Variants in FGD6 observed in about 807,000 individuals in gnomAD.
FGD6 encodes the protein FYVE, RhoGEF and PH domain-containing protein 6.
In FGD6, 90 loss-of-function variants were observed where a neutral mutation model predicts 149.4. The observed-to-expected ratio is 0.60, with a 90% CI of 0.51 to 0.72. FGD6 has a LOEUF of 0.72. Ranked by LOEUF, FGD6 falls within the 30% of genes least tolerant of loss-of-function variation. The pLI, the probability that FGD6 is intolerant of heterozygous loss-of-function variation, is 0.00. For missense variants in FGD6, 1,437 were observed against 1,684.8 expected, an observed-to-expected ratio of 0.85 and a Z score of 2.57; for synonymous variants, 527 against 584.0, an observed-to-expected ratio of 0.90 and a Z score of 1.41.
At position 95,108,526 on chromosome 12, in the gene FGD6, C is replaced by T. The variant is rs748031655; in HGVS notation, c.3169G>A (p.Ala1057Thr). The change falls in exon 10 of 21, where the codon GCC (alanine) becomes ACC (threonine). Residue 1057 changes from alanine (A) to threonine (T), a missense_variant. By Grantham distance (58) the Ala-to-Thr change is moderately conservative. This residue lies in a region of FGD6 where 382 missense variants were observed against 538.7 expected (regional missense o/e 0.71). Transcript: ENST00000343958. ...ACTCCTTGCTTCATGGTGTCATTGGCGTGGTTGGCTACCTCTATAACAACA... is the reference window on the plus strand; with the variant it reads ...ACTCCTTGCTTCATGGTGTCATTGGTGTGGTTGGCTACCTCTATAACAACA... ...LAVVIEVANH[A>T]NDTMKQGDNF... 2.6e-5 allele frequency: 42 copies of T among 1,613,932 alleles called. No homozygotes were observed. Among genetic ancestry groups the T allele is most frequent in the Middle Eastern group, 1.6e-4 (1 of 6,082 alleles).
chr12:95,103,571 A>G (rs957224440), intron 14 of FGD6, among the ~76,000 whole-genome samples: 2 of 152,010 alleles, frequency 1.3e-5, no homozygotes, highest in African/African-American at 2.4e-5. Context: ...GTCTTGCTCT[A>G]TCACCCAGGC....
rs900631045 is a variant in FGD6, at chr12:95,152,845, T to TA, written c.2655-5dup. 1 of 1,613,436 alleles carries TA rather than the reference T, an allele frequency of 6.2e-7. No homozygotes were observed. Among genetic ancestry groups the TA allele is most frequent in the South Asian group, 1.1e-5 (1 of 91,026 alleles). ...AAGTTTTAACACATCCACAAACCTG[T>TA]AAAAAACAACAATGAAAAAAATGTT... On this transcript the variant is annotated splice_region_variant and splice_polypyrimidine_tract_variant and intron_variant, in intron 4 of 20. Transcript: ENST00000343958.
chr12:95,106,420 G>A (rs551580825), intron 13 of FGD6, among the ~76,000 whole-genome samples: 2,228 of 145,522 alleles, frequency 0.015, 18 homozygotes, highest in African/African-American at 0.022. Flanking sequence ...ACAGGTGTGC[G>A]CCACCACGCC....
At chr12:95,151,754 A>G (rs974292458) in intron 5 of FGD6, among the ~76,000 whole-genome samples, 3 of 152,208 alleles carry the variant, frequency 2.0e-5, no homozygotes, top group Non-Finnish European at 4.4e-5. Flanking sequence ...TTTCTCCACA[A>G]TTAAGCCTAA....
At chr12:95,148,560 T>TTATATAATACATAGC (rs1880092297) in intron 5 of FGD6, among the ~76,000 whole-genome samples, 1 of 87,744 alleles carries the variant, frequency 1.1e-5, no homozygotes, top group African/African-American at 4.1e-5. Context: ...TATTATATAT[T>TTATATAATACATAGC]ATATATTATA....
intron 18 of FGD6, among the ~76,000 whole-genome samples, chr12:95,086,333 A>G (rs1367883975): frequency 6.6e-6 from 1 of 152,060 alleles, no homozygotes; most frequent in Non-Finnish European, 1.5e-5. Flanking sequence ...TTCCTAAAAA[A>G]CTTTTTGGAC....
chr12:95,172,271 G>GA (rs1040350492), intron 3 of FGD6, among the ~76,000 whole-genome samples: 5 of 152,150 alleles, frequency 3.3e-5, no homozygotes, highest in East Asian at 1.9e-4. Flanking sequence ...AGGCACTTGG[G>GA]ATGCTGAGGC....
intron 1 of FGD6, 109 bp downstream of exon 1, chr12:95,217,116 G>A: frequency 6.5e-7 from 1 of 1,531,396 alleles, no homozygotes; most frequent in Non-Finnish European, 8.9e-7. Flanking sequence ...CTCGGCAAAG[G>A]TACGGGGCAC....
At chr12:95,105,749 C>T (rs1312556154) in intron 13 of FGD6, among the ~76,000 whole-genome samples, 4 of 152,124 alleles carry the variant, frequency 2.6e-5, no homozygotes, top group South Asian at 2.1e-4. Context: ...ACAGGCAGGG[C>T]GCAGTGGCTC....
intron 17 of FGD6, among the ~76,000 whole-genome samples, chr12:95,090,338 A>G (rs1219505936): frequency 6.6e-6 from 1 of 152,196 alleles, no homozygotes; most frequent in African/African-American, 2.4e-5. Flanking sequence ...ACTGTTGTTT[A>G]TATGTTTTAG....
chr12:95,108,374 G>A lies in FGD6; in HGVS notation c.3238C>T (p.His1080Tyr). 1 of 1,614,028 alleles carries A rather than the reference G, an allele frequency of 6.2e-7. No individual in the cohort carries two copies. Among genetic ancestry groups the A allele is most frequent in the Non-Finnish European group, 8.5e-7 (1 of 1,180,000 alleles). ...LMQIQYSLNG[H>Y]HEIVQPGRVF... is the part of the protein sequence containing the mutation. ...CGACCAGGCTGCACAATTTCATGGT[G>A]TCCATTTAAGCTGTACTGAATTTGC... Residue 1080 changes from histidine (H) to tyrosine (Y), a missense_variant, in exon 11 of 21, where the codon CAC (histidine) becomes TAC (tyrosine). Coordinates refer to ENST00000343958, the MANE Select transcript of FGD6 (RefSeq NM_018351.4).
At chr12:95,215,748 T>C (rs1351196211) in intron 1 of FGD6, among the ~76,000 whole-genome samples, 1 of 152,192 alleles carries the variant, frequency 6.6e-6, no homozygotes, top group Non-Finnish European at 1.5e-5. Context: ...GCCCTAGAAA[T>C]TGGGTTTACA....
chr12:95,153,912 C>CGTGTGTGTGTGT (rs754945627), intron 3 of FGD6, among the ~76,000 whole-genome samples: 61 of 141,406 alleles, frequency 4.3e-4, no homozygotes, highest in East Asian at 2.7e-3. Flanking sequence ...AAATGAAATT[C>CGTGTGTGTGTGT]GTGTGTGTGT....
At chr12:95,099,717 C>T (rs1878358685) in intron 14 of FGD6, among the ~76,000 whole-genome samples, 1 of 152,014 alleles carries the variant, frequency 6.6e-6, no homozygotes, top group African/African-American at 2.4e-5. Flanking sequence ...ACTGTAGTCT[C>T]CTGATGGTCT....
At chr12:95,149,776 T>C (rs1301999037) in intron 5 of FGD6, among the ~76,000 whole-genome samples, 1 of 145,204 alleles carries the variant, frequency 6.9e-6, no homozygotes, top group Non-Finnish European at 1.5e-5. Flanking sequence ...ATATATAGTA[T>C]ATATAGTATA....
chr12:95,102,979 G>A (rs936902966), intron 14 of FGD6, among the ~76,000 whole-genome samples: 1 of 152,154 alleles, frequency 6.6e-6, no homozygotes, highest in African/African-American at 2.4e-5. Flanking sequence ...CATGAGCACT[G>A]TGACTGATGC....
At position 95,077,489 on chromosome 12, in the gene FGD6, GAGTT is replaced by G. The variant is rs1179431488; in HGVS notation, c.*4027_*4030del. ...GTGTGAACAAAGAAAGGTTGGGTAAGAGTTAGCTGGAATGTATGGCAACTGAGGA... is the reference window on the plus strand; with the variant it reads ...GTGTGAACAAAGAAAGGTTGGGTAAGAGCTGGAATGTATGGCAACTGAGGA... On this transcript the variant is annotated 3_prime_UTR_variant, in exon 21 of 21. Transcript: ENST00000343958. The G allele has an allele frequency of 6.6e-5, 10 of 152,420 alleles. No homozygotes were observed. The highest frequency in any genetic ancestry group is 2.9e-5 in the Non-Finnish European group (2 of 68,096). 9.4% of individuals were successfully genotyped at this position (152,420 alleles called of 1,614,324 possible). A position where few individuals can be genotyped will look rare whatever the true frequency, so the allele number is the denominator to read the frequency against.
intron 8 of FGD6, among the ~76,000 whole-genome samples, chr12:95,116,520 C>T (rs1321333869): frequency 7.2e-5 from 11 of 152,102 alleles, no homozygotes; most frequent in Admixed American, 5.2e-4. Context: ...AAATCCTGAC[C>T]TCAGAATCAC....
chr12:95,137,783 T>G, intron 6 of FGD6, 105 bp from the exon 7 acceptor site: 1 of 773,670 alleles, frequency 1.3e-6, no homozygotes, highest in South Asian at 3.2e-5. Context: ...TCTTTTTTTC[T>G]CTTCTTGTAA....
Sources: allele counts gnomAD v4.1 joint callset (sites outside exome capture counted in the v4.1 genomes callset), GRCh38; gene constraint gnomAD v4.1.1; regional missense constraint gnomAD v4.1.1; transcripts MANE v1.5; gene names NCBI Gene and HGNC (gene_info 2026-07-23, HGNC 2026-07-21).